Variants in TANGO6 observed in about 807,000 individuals in gnomAD.
TANGO6 encodes transport and Golgi organization protein 6 homolog.
A neutral mutation model predicts 114.2 loss-of-function variants in TANGO6; 90 were observed. The observed-to-expected ratio is 0.79, with a 90% CI of 0.66 to 0.94. The LOEUF is 0.94. TANGO6 is among the 40% of genes least tolerant of loss of function. The pLI is 0.00. For synonymous variants in TANGO6, 477 were observed against 509.8 expected, an observed-to-expected ratio of 0.94 and a Z score of 0.87; for missense variants, 1,274 against 1,315.3, an observed-to-expected ratio of 0.97 and a Z score of 0.49.
chr16:69,076,088 C>CTTTTTTTTTTTTTTTTTTTT, intron 17 of TANGO6, among the ~76,000 whole-genome samples: 1 of 85,684 alleles, frequency 1.2e-5, no homozygotes, highest in African/African-American at 4.9e-5. Context: ...TATTTCATTT[C>CTTTTTTTTTTTTTTTTTTTT]TTTTTTTTTT....
chr16:69,072,197 C>T (rs1344621606), intron 17 of TANGO6, among the ~76,000 whole-genome samples: 1 of 151,492 alleles, frequency 6.6e-6, no homozygotes, highest in Non-Finnish European at 1.5e-5. Flanking sequence ...ATCTGAACGC[C>T]ACTCCCTTCC....
intron 14 of TANGO6, among the ~76,000 whole-genome samples, chr16:68,966,876 A>G (rs1017251209): frequency 2.0e-5 from 3 of 151,332 alleles, no homozygotes; most frequent in Admixed American, 6.6e-5. Context: ...GGTTCAAGCA[A>G]TTTTCTTGCC....
chr16:69,044,181 C>T (rs1455944572), intron 17 of TANGO6, among the ~76,000 whole-genome samples: 2 of 152,152 alleles, frequency 1.3e-5, no homozygotes, highest in South Asian at 2.1e-4. Flanking sequence ...TCTCATGCTT[C>T]GGCCTCCCGA....
chr16:69,038,178 C>T (rs1299638577), intron 16 of TANGO6, among the ~76,000 whole-genome samples: 1 of 152,112 alleles, frequency 6.6e-6, no homozygotes, highest in South Asian at 2.1e-4. Flanking sequence ...TCTGTAATCC[C>T]AGCACTTTGG....
chr16:69,072,026 CGTGTGTGTGTGTGTGT>C (rs58310609), intron 17 of TANGO6, among the ~76,000 whole-genome samples: 7 of 92,984 alleles, frequency 7.5e-5, no homozygotes, highest in Non-Finnish European at 8.4e-5. Context: ...AGAGGGAGAC[CGTGTGTGTGTGTGTGT>C]GTGTGTGTGT....
intron 17 of TANGO6, among the ~76,000 whole-genome samples, chr16:69,060,581 A>C (rs934468809): frequency 3.3e-5 from 5 of 150,400 alleles, no homozygotes; most frequent in African/African-American, 9.8e-5. Context: ...GGCAACAGAG[A>C]AGACTCTGTC....
intron 1 of TANGO6, among the ~76,000 whole-genome samples, chr16:68,844,818 A>G (rs74025321): frequency 0.081 from 12,281 of 152,202 alleles, 528 homozygotes; most frequent in Middle Eastern, 0.13. Flanking sequence ...AAATTGCCCA[A>G]TGTCAGACTA....
chr16:68,978,317 G>A (rs1293372051), intron 15 of TANGO6, among the ~76,000 whole-genome samples: 1 of 152,186 alleles, frequency 6.6e-6, no homozygotes, highest in East Asian at 1.9e-4. Flanking sequence ...TGAAAGGCTG[G>A]ATAGAGTTGA....
chr16:69,009,561 C>T (rs1125672), intron 15 of TANGO6, among the ~76,000 whole-genome samples: 13,033 of 152,076 alleles, frequency 0.086, 644 homozygotes, highest in African/African-American at 0.12. Context: ...ATCAGGTCAC[C>T]AATTTCTGCA....
At chr16:69,016,398 CAA>C (rs879776587) in intron 15 of TANGO6, among the ~76,000 whole-genome samples, 13 of 124,156 alleles carry the variant, frequency 1.0e-4, no homozygotes, top group Admixed American at 8.4e-5. Context: ...AACTCCATCT[CAA>C]AAAAAAAAAA....
rs934237200 is a variant in TANGO6 at position 68,848,393 on chromosome 16, C to A, written c.94+4682C>A. 2.0e-5 allele frequency among the ~76,000 whole-genome samples: 3 copies of A among 151,898 alleles called. No individual in the cohort carries two copies. The East Asian group carries it at 5.8e-4, about 29-fold the overall frequency. On this transcript the variant is annotated intron_variant, in intron 1 of 17. Coordinates refer to ENST00000261778, the MANE Select transcript of TANGO6 (RefSeq NM_024562.2). The stretch of plus-strand genomic sequence containing the variant: ...AATTAAAATTACCTTAATTTCACTA[C>A]CCAGAGGGTACCACTATTAGCAATT...
At chr16:68,962,967 G>T (rs141147496) in intron 14 of TANGO6, among the ~76,000 whole-genome samples, 269 of 150,180 alleles carry the variant, frequency 1.8e-3, no homozygotes, top group African/African-American at 6.0e-3. Context: ...GGTGGCGGGC[G>T]CCCGTAGTCC....
intron 16 of TANGO6, among the ~76,000 whole-genome samples, chr16:69,024,483 G>C (rs1959466868): frequency 6.6e-6 from 1 of 152,044 alleles, no homozygotes; most frequent in Non-Finnish European, 1.5e-5. Context: ...TGGCCAGACT[G>C]GTCTTGAACT....
chr16:68,928,164 T>C, intron 13 of TANGO6, 81 bp downstream of exon 13: 2 of 1,438,940 alleles, frequency 1.4e-6, no homozygotes, highest in Non-Finnish European at 1.8e-6. Flanking sequence ...GCCTGGACTA[T>C]GTGTCAAGTG....
chr16:68,926,151 C>A (rs9938842), intron 12 of TANGO6, among the ~76,000 whole-genome samples: 26,109 of 151,682 alleles, frequency 0.17, 2,523 homozygotes, highest in African/African-American at 0.26. Context: ...ATGATACAAC[C>A]GAGGCACTGA....
rs537632219 is a variant in TANGO6 at position 68,960,240 on chromosome 16, A to G, written c.2702-13788A>G. ...GGGCAGTGATTACTTTCAATGCAGC[A>G]GTAATTGCCGTTTTCTTTCCCTTCC... On this transcript the variant is annotated intron_variant, in intron 14 of 17. Coordinates refer to ENST00000261778, the MANE Select transcript of TANGO6 (RefSeq NM_024562.2). Among the ~76,000 whole-genome samples the G allele has an allele frequency of 2.0e-5, 3 of 150,566 alleles. No individual in the cohort carries two copies. The South Asian group carries it at 6.3e-4, about 32-fold the overall frequency.
intron 7 of TANGO6, among the ~76,000 whole-genome samples, chr16:68,898,595 C>T (rs767146763): frequency 6.6e-6 from 1 of 152,126 alleles, no homozygotes; most frequent in African/African-American, 2.4e-5. Flanking sequence ...CCTCCTTGGC[C>T]TCCCTAAGTG....
At chr16:68,950,487 C>A (rs1435313397) in intron 14 of TANGO6, among the ~76,000 whole-genome samples, 1 of 151,930 alleles carries the variant, frequency 6.6e-6, no homozygotes, top group Admixed American at 6.6e-5. Flanking sequence ...ATCGCTTGAA[C>A]CTGGGAGGCG....
At chr16:68,853,589 T>C (rs376675044) in intron 1 of TANGO6, among the ~76,000 whole-genome samples, 20 of 152,358 alleles carry the variant, frequency 1.3e-4, no homozygotes, top group African/African-American at 3.4e-4. Flanking sequence ...ATAGTGCTGC[T>C]ATGAACATTC....
Sources: gnomAD v4.1 joint callset for allele counts (sites outside exome capture counted in the v4.1 genomes callset) on GRCh38, gnomAD v4.1.1 for gene constraint, MANE v1.5 for transcripts, NCBI Gene and HGNC (gene_info 2026-07-23, HGNC 2026-07-21) for gene names.